Variants in ADAMTS3 observed in about 807,000 individuals in gnomAD.
ADAMTS3 encodes the protein A disintegrin and metalloproteinase with thrombospondin motifs 3.
In ADAMTS3, 73 loss-of-function variants were observed where a neutral mutation model predicts 129.0. The observed-to-expected ratio is 0.57, with a 90% CI of 0.47 to 0.69. The LOEUF (loss-of-function observed/expected upper bound fraction) is 0.69. Ranked by LOEUF, ADAMTS3 falls within the 30% of genes least tolerant of loss-of-function variation. ADAMTS3 has a pLI of 0.00. For missense variants in ADAMTS3, 1,457 were observed against 1,514.5 expected (o/e 0.96, Z 0.63); for synonymous variants, 477 against 510.8 (o/e 0.93, Z 0.89).
chr4:72,452,158 T>G (rs1362465819), intron 3 of ADAMTS3, among the ~76,000 whole-genome samples: 2 of 151,724 alleles, frequency 1.3e-5, no homozygotes, highest in Non-Finnish European at 2.9e-5. Context: ...GAAGTCACAT[T>G]TATAAAAACA....
At chr4:72,381,118 T>C (rs1339915781) in intron 4 of ADAMTS3, among the ~76,000 whole-genome samples, 1 of 152,128 alleles carries the variant, frequency 6.6e-6, no homozygotes, top group African/African-American at 2.4e-5. Context: ...TTAGTATTTG[T>C]GACAAGATAA....
rs1265863722 is a variant in ADAMTS3 at position 72,283,521 on chromosome 4, T to A, written c.3233A>T (p.Asp1078Val). The A allele has an allele frequency of 6.2e-7, 1 of 1,613,714 alleles. No homozygotes were observed. Among genetic ancestry groups the A allele is most frequent in the Admixed American group, 1.7e-5 (1 of 59,952 alleles). Residue 1078 changes from aspartate (D) to valine (V), a missense_variant, in exon 22 of 22, where the codon GAC becomes GTC. Asp to Val is a radical substitution (Grantham distance 152). Coordinates refer to ENST00000286657, the MANE Select transcript of ADAMTS3 (RefSeq NM_014243.3). ...AGGCATCACTAGAGATCTAGGGAGG[T>A]CACTAGGGTTAGAGATGACATCATC... ...THDDVISNPSDLPRSLVMPTS... is the reference protein window; with the variant it reads ...THDDVISNPSVLPRSLVMPTS...
chr4:72,345,341 T>A (rs183047611), intron 4 of ADAMTS3, among the ~76,000 whole-genome samples: 54 of 152,280 alleles, frequency 3.5e-4, no homozygotes, highest in Admixed American at 7.2e-4. Flanking sequence ...TCTATTAACA[T>A]CAGAAGCAGA....
chr4:72,304,460 T>C (rs566783971), intron 16 of ADAMTS3, among the ~76,000 whole-genome samples: 2 of 152,290 alleles, frequency 1.3e-5, no homozygotes, highest in South Asian at 4.1e-4. Flanking sequence ...AGAAACAATT[T>C]ATGCTAGGAT....
At chr4:72,288,917 TGCACA>T in intron 20 of ADAMTS3, 49 bp from the exon 21 acceptor site, 1 of 681,772 alleles carries the variant, frequency 1.5e-6, no homozygotes, top group Non-Finnish European at 2.4e-6. Flanking sequence ...ACCAAGACCA[TGCACA>T]TACACACACA....
At chr4:72,350,742 T>C (rs916802094) in intron 4 of ADAMTS3, among the ~76,000 whole-genome samples, 5 of 152,106 alleles carry the variant, frequency 3.3e-5, no homozygotes, top group Middle Eastern at 3.4e-3. Context: ...GCAGTCTGGC[T>C]TGTGGAAACA....
intron 21 of ADAMTS3, among the ~76,000 whole-genome samples, chr4:72,286,789 C>A (rs370387811): frequency 2.6e-5 from 4 of 151,812 alleles, no homozygotes; most frequent in Admixed American, 2.0e-4. Flanking sequence ...GAAAATATAA[C>A]GGAAGAGAGA....
intron 4 of ADAMTS3, among the ~76,000 whole-genome samples, chr4:72,383,102 C>CT (rs775168774): frequency 1.2e-3 from 181 of 146,354 alleles, no homozygotes; most frequent in African/African-American, 1.8e-3. Flanking sequence ...AGAAGGAATG[C>CT]TTTTTTTTTT....
At chr4:72,528,521 T>TAAAAAAAAAAAAA (rs11324929) in intron 3 of ADAMTS3, among the ~76,000 whole-genome samples, 3 of 89,682 alleles carry the variant, frequency 3.3e-5, no homozygotes, top group Non-Finnish European at 8.4e-5. Context: ...AAGTGAAAAC[T>TAAAAAAAAAAAAA]AAAAAAAAAA....
chr4:72,434,981 G>A (rs975406010), intron 3 of ADAMTS3, among the ~76,000 whole-genome samples: 1 of 151,780 alleles, frequency 6.6e-6, no homozygotes, highest in Admixed American at 6.6e-5. Context: ...ATTCAATTTT[G>A]CCACCAACCT....
At chr4:72,514,674 G>C (rs1720409339) in intron 3 of ADAMTS3, among the ~76,000 whole-genome samples, 1 of 152,032 alleles carries the variant, frequency 6.6e-6, no homozygotes, top group Non-Finnish European at 1.5e-5. Context: ...TAAGCCCCAT[G>C]TTTAAGTAAT....
At chr4:72,307,499 T>G (rs1256401468) in intron 15 of ADAMTS3, among the ~76,000 whole-genome samples, 1 of 152,082 alleles carries the variant, frequency 6.6e-6, no homozygotes, top group Non-Finnish European at 1.5e-5. Context: ...TTGTCTTCCC[T>G]TAAATAGAAT....
chr4:72,388,872 A>G (rs1026608410), intron 4 of ADAMTS3, among the ~76,000 whole-genome samples: 3 of 152,218 alleles, frequency 2.0e-5, no homozygotes, highest in Non-Finnish European at 4.4e-5. Context: ...CAAGCTTCCA[A>G]GAGTTCTCTC....
chr4:72,375,632 T>C (rs1721116492), intron 4 of ADAMTS3, among the ~76,000 whole-genome samples: 1 of 152,136 alleles, frequency 6.6e-6, no homozygotes, highest in African/African-American at 2.4e-5. Context: ...GCAGGGGTCA[T>C]GCTAGGCAGG....
intron 3 of ADAMTS3, among the ~76,000 whole-genome samples, chr4:72,547,744 C>G (rs752225048): frequency 3.2e-4 from 49 of 152,030 alleles, no homozygotes; most frequent in Non-Finnish European, 6.6e-4. Context: ...ACAGAAAACA[C>G]CAACACATTT....
chr4:72,312,411 T>G lies in ADAMTS3; in HGVS notation c.1801A>C (p.Asn601His). ...PGVNFEYQLC[N>H]TEECQKHFED... is the part of the protein sequence containing the mutation. The stretch of plus-strand genomic sequence containing the variant: ...AAGTGTTTTTGGCATTCTTCTGTGT[T>G]ACAAAGCTGGTACTCAAAATTAACA... Residue 601 changes from asparagine to histidine, a missense_variant, in exon 13 of 22, where the codon AAC becomes CAC. Physicochemically the swap from Asn to His is moderately conservative, Grantham distance 68. Transcript: ENST00000286657. 1 of 1,613,744 alleles carries G rather than the reference T, an allele frequency of 6.2e-7. No individual in the cohort carries two copies. The highest frequency in any genetic ancestry group is 8.5e-7 in the Non-Finnish European group (1 of 1,179,778).
Position 72,456,984 on chromosome 4 carries a change from C to T in ADAMTS3, c.505-42013G>A, listed in dbSNP as rs577648250. Among the ~76,000 whole-genome samples, 40 of 151,758 alleles carry T rather than the reference C, an allele frequency of 2.6e-4. No homozygotes were observed. In the South Asian group the frequency reaches 7.9e-3, roughly 30 times the overall value. On this transcript the variant is annotated intron_variant, in intron 3 of 21. Transcript: ENST00000286657. ...GTAGTCTTAAGTTTGTAGAAATCAT[C>T]ATGGAAGGAAGTCACCCAAAATATA...
In ADAMTS3 at chr4:72,569,188, G is replaced by C. The variant is rs182982929; in HGVS notation, c.-426C>G. 5.9e-6 allele frequency: 1 copy of C among 169,366 alleles called. No individual in the cohort carries two copies. Among genetic ancestry groups the C allele is most frequent in the African/African-American group, 2.4e-5 (1 of 42,086 alleles). 10.5% of individuals were successfully genotyped at this position (169,366 alleles called of 1,614,324 possible). ...GAGCACAGCAGGGGGAAGTATTAGC[G>C]AGAGAGACGAGCGAGCGGGAGCGGG... On this transcript the variant is annotated 5_prime_UTR_variant, in exon 1 of 22. Coordinates refer to ENST00000286657, the MANE Select transcript of ADAMTS3 (RefSeq NM_014243.3).
intron 4 of ADAMTS3, among the ~76,000 whole-genome samples, chr4:72,353,914 C>A (rs1435933172): frequency 6.6e-6 from 1 of 151,890 alleles, no homozygotes; most frequent in Non-Finnish European, 1.5e-5. Flanking sequence ...GTGGAGTTTG[C>A]CTAATACCCC....
Sources: gnomAD v4.1 joint callset for allele counts (sites outside exome capture counted in the v4.1 genomes callset) on GRCh38, gnomAD v4.1.1 for gene constraint, MANE v1.5 for transcripts, NCBI Gene and HGNC (gene_info 2026-07-23, HGNC 2026-07-21) for gene names.